Variants in MTMR10 observed in about 807,000 individuals in gnomAD.
The protein encoded by MTMR10 is myotubularin-related protein 10.
Under a neutral mutation model 88.1 loss-of-function variants are expected in MTMR10, and 56 were observed. The observed-to-expected ratio is 0.64, with a 90% confidence interval of 0.51 to 0.79. MTMR10 has a LOEUF of 0.79. Ranked by LOEUF, MTMR10 falls within the 30% of genes least tolerant of loss-of-function variation. The pLI, the probability that MTMR10 is intolerant of heterozygous loss-of-function variation, is 0.00. For missense variants in MTMR10, 883 were observed against 924.7 expected, an observed-to-expected ratio of 0.95 and a Z score of 0.58; for synonymous variants, 380 against 340.9, an observed-to-expected ratio of 1.11 and a Z score of -1.26.
intron 5 of MTMR10, 64 bp downstream of exon 5, chr15:30,974,250 T>G (rs952035589): frequency 2.7e-5 from 35 of 1,309,656 alleles, no homozygotes; most frequent in Non-Finnish European, 3.3e-5. Context: ...AAAACTGCCA[T>G]ACGGAATTGA....
At chr15:30,924,556 T>A in the MTMR10 span, among the ~76,000 whole-genome samples, 16 of 152,240 alleles carry the variant, frequency 1.1e-4, no homozygotes, top group Non-Finnish European at 2.2e-4. Flanking sequence ...TGTGGCTTTC[T>A]GTGTTTGTTT....
chr15:30,928,690 T>C, the MTMR10 span: 6 of 1,613,196 alleles, frequency 3.7e-6, no homozygotes, highest in Non-Finnish European at 4.2e-6. Context: ...GAGTAGGTCC[T>C]TCTGCACACA....
rs373665066 is a variant in MTMR10, at chr15:30,941,626, G to A, written c.2178C>T (p.Thr726=). ...MYFNASGPHH[T]DTSGTPEFLS... is the part of the protein sequence containing the mutation. ...GAAACTCCGGTGTCCCCGAGGTGTC[G>A]GTGTGGTGAGGGCCGCTGGCGTTGA... The change falls in exon 16 of 16, where the codon ACC becomes ACT. Residue 726 remains threonine, a synonymous_variant. Coordinates refer to ENST00000435680, the MANE Select transcript of MTMR10 (RefSeq NM_017762.3). 5.0e-6 allele frequency: 8 copies of A among 1,605,986 alleles called. No individual in the cohort carries two copies. Among genetic ancestry groups the A allele is most frequent in the East Asian group, 2.2e-5 (1 of 44,528 alleles).
chr15:30,928,377 T>C, the MTMR10 span: 5 of 1,439,918 alleles, frequency 3.5e-6, no homozygotes, highest in Non-Finnish European at 4.5e-6. Flanking sequence ...CAACATACTG[T>C]ATAAAATAAA....
At position 30,991,531 on chromosome 15, in the gene MTMR10, T is replaced by A. The variant is rs1222578713; in HGVS notation, c.-25A>T. The A allele has an allele frequency of 1.5e-5, 23 of 1,535,826 alleles. No individual in the cohort carries two copies. Among genetic ancestry groups the A allele is most frequent in the Non-Finnish European group, 1.7e-5 (19 of 1,148,698 alleles). Reference sequence around the variant, plus strand: ...TGGTGCCGCCGCCTTTTCGCCCCGTTCCCGTCGCGGGCCAGTGGCAGCGCC... The same window carrying A: ...TGGTGCCGCCGCCTTTTCGCCCCGTACCCGTCGCGGGCCAGTGGCAGCGCC... On this transcript the variant is annotated 5_prime_UTR_variant, in exon 1 of 16. Coordinates refer to ENST00000435680, the MANE Select transcript of MTMR10 (RefSeq NM_017762.3).
At chr15:30,928,657 G>A in the MTMR10 span, 1 of 1,613,906 alleles carries the variant, frequency 6.2e-7, no homozygotes, top group South Asian at 1.1e-5. Context: ...CGCCTGTCAG[G>A]TACTCCAGTG....
chr15:30,939,818 T>C lies in MTMR10; in HGVS notation c.*1652A>G, dbSNP rs2062978351. ...TAAGGAGATTGGGTCTGGTTTCTAA[T>C]CAAGGACTGTAAAATGTTTAATAAT... On this transcript the variant is annotated 3_prime_UTR_variant, in exon 16 of 16. Transcript: ENST00000435680. The C allele has an allele frequency of 1.0e-6, 1 of 985,302 alleles. No individual in the cohort carries two copies. Among genetic ancestry groups the C allele is most frequent in the African/African-American group, 1.7e-5 (1 of 57,358 alleles). The allele number at this position is 985,302 out of a possible 1,614,324, so 61.0% of individuals were successfully genotyped here.
At chr15:30,929,149 T>C in the MTMR10 span, 15 of 1,532,862 alleles carry the variant, frequency 9.8e-6, no homozygotes, top group Non-Finnish European at 1.3e-5. Flanking sequence ...AGTCCTCTGG[T>C]GAACACGGCT....
intron 3 of MTMR10, among the ~76,000 whole-genome samples, chr15:30,975,820 T>C (rs948571865): frequency 3.3e-5 from 5 of 152,192 alleles, no homozygotes; most frequent in African/African-American, 1.2e-4. Flanking sequence ...ACAGTTCATA[T>C]ACCAATATTT....
the MTMR10 span, chr15:30,929,086 TGA>T: frequency 1.1e-6 from 1 of 872,728 alleles, no homozygotes; most frequent in Middle Eastern, 3.5e-4. Context: ...ACTTATCTTT[TGA>T]GAGAAAGAAT....
chr15:30,990,702 G>T, intron 2 of MTMR10, 75 bp downstream of exon 2: 1 of 1,244,316 alleles, frequency 8.0e-7, no homozygotes, highest in Non-Finnish European at 1.1e-6. Flanking sequence ...TTAACCACAT[G>T]ATACTAGTCG....
In MTMR10 at chr15:30,968,020, A is replaced by C. The variant is rs1178033011; in HGVS notation, c.475-10T>G. On this transcript the variant is annotated splice_polypyrimidine_tract_variant and intron_variant, in intron 5 of 15. Transcript: ENST00000435680. Reference sequence around the variant, plus strand: ...CTATTGCAAGGCATACCTAGGAAAAATTCTACATTTAGAATTTGATTTTAA... The same window carrying C: ...CTATTGCAAGGCATACCTAGGAAAACTTCTACATTTAGAATTTGATTTTAA... 1 of 1,538,666 alleles carries C rather than the reference A, an allele frequency of 6.5e-7. No individual in the cohort carries two copies. The highest frequency in any genetic ancestry group is 1.4e-5 in the African/African-American group (1 of 72,828).
chr15:30,940,439 A>G lies in MTMR10; in HGVS notation c.*1031T>C, dbSNP rs1206235475. On this transcript the variant is annotated 3_prime_UTR_variant, in exon 16 of 16. Coordinates refer to ENST00000435680, the MANE Select transcript of MTMR10 (RefSeq NM_017762.3). ...TATTTCTCCTCTATTCCTAAGCATTAGGAACTATGAGAGAAGGACATCTGT... is the reference window on the plus strand; with the variant it reads ...TATTTCTCCTCTATTCCTAAGCATTGGGAACTATGAGAGAAGGACATCTGT... 2 of 985,324 alleles carry G rather than the reference A, an allele frequency of 2.0e-6. No individual in the cohort carries two copies. The highest frequency in any genetic ancestry group is 3.5e-5 in the African/African-American group (2 of 57,222). The allele number at this position is 985,324 out of a possible 1,614,324, so 61.0% of individuals were successfully genotyped here. A position where few individuals can be genotyped will look rare whatever the true frequency, so the allele number is the denominator to read the frequency against.
rs1262182651 is a variant in MTMR10 at position 30,984,210 on chromosome 15, G to A, written c.121+6567C>T. On this transcript the variant is annotated intron_variant, in intron 2 of 15. Coordinates refer to ENST00000435680, the MANE Select transcript of MTMR10 (RefSeq NM_017762.3). ...GCTTAAGTAGGATTTTATTTATGGA[G>A]GTTCATGAACGGTGTTGACAACGAT... 2.0e-5 allele frequency among the ~76,000 whole-genome samples: 3 copies of A among 152,320 alleles called. No homozygotes were observed. The East Asian group carries it at 5.8e-4, about 29-fold the overall frequency.
downstream of MTMR10, among the ~76,000 whole-genome samples, chr15:30,935,913 A>AG (rs1158261768): frequency 6.6e-6 from 1 of 151,894 alleles, no homozygotes; most frequent in African/African-American, 2.4e-5. Flanking sequence ...GATATTTCCT[A>AG]GGGTGCCGTT....
chr15:30,920,531 T>C, the MTMR10 span: 11 of 1,535,650 alleles, frequency 7.2e-6, no homozygotes, highest in Non-Finnish European at 9.0e-6. Flanking sequence ...TACTGGTATA[T>C]GTCTTCATTT....
At chr15:30,983,669 G>A (rs986710122) in intron 2 of MTMR10, among the ~76,000 whole-genome samples, 3 of 152,162 alleles carry the variant, frequency 2.0e-5, no homozygotes, top group Non-Finnish European at 4.4e-5. Context: ...TTAACAGTAG[G>A]GTGACTGCCC....
At chr15:30,935,594 C>G (rs1414342660), downstream of MTMR10, among the ~76,000 whole-genome samples, 4 of 95,578 alleles carry the variant, frequency 4.2e-5, no homozygotes, top group Non-Finnish European at 7.4e-5. Flanking sequence ...AGATGCGATG[C>G]CATTTTATAT....
rs565123968 is a variant in MTMR10 at position 30,942,153 on chromosome 15, A to G, written c.1732-81T>C. 2.1e-6 allele frequency: 3 copies of G among 1,439,050 alleles called. No individual in the cohort carries two copies. In the East Asian group the frequency reaches 6.9e-5, roughly 33 times the overall value. The allele number at this position is 1,439,050 out of a possible 1,614,324, so 89.1% of individuals were successfully genotyped here. A position where few individuals can be genotyped will look rare whatever the true frequency, so the allele number is the denominator to read the frequency against. The stretch of plus-strand genomic sequence containing the variant: ...GGATGCAATGGCAAATATAAACTCA[A>G]TACTATGAAAAATTAATGGAATTTC... On this transcript the variant is annotated intron_variant, in intron 15 of 15. Coordinates refer to ENST00000435680, the MANE Select transcript of MTMR10 (RefSeq NM_017762.3).
Sources: allele counts gnomAD v4.1 joint callset (sites outside exome capture counted in the v4.1 genomes callset), GRCh38; gene constraint gnomAD v4.1.1; transcripts MANE v1.5; gene names NCBI Gene and HGNC (gene_info 2026-07-23, HGNC 2026-07-21).